CCDC171: variants seen among roughly 807,000 people sequenced by gnomAD.
CCDC171 encodes coiled-coil domain containing 171.
CCDC171 carries 177 observed loss-of-function variants against 168.2 expected under a neutral mutation model. That is an observed-to-expected ratio of 1.05 (90% CI 0.93 to 1.19). The LOEUF (loss-of-function observed/expected upper bound fraction) is 1.19. CCDC171 is among the 50% of genes most tolerant of loss of function. The pLI is 0.00. For missense variants in CCDC171, 1,991 were observed against 1,539.0 expected (o/e 1.29, Z -4.91); for synonymous variants, 687 against 540.8 (o/e 1.27, Z -3.75).
chr9:15,578,886 C>T lies in CCDC171; in HGVS notation c.215C>T (p.Ser72Phe). 1.2e-6 allele frequency: 2 copies of T among 1,613,686 alleles called. No individual in the cohort carries two copies. Among genetic ancestry groups the T allele is most frequent in the Non-Finnish European group, 1.7e-6 (2 of 1,179,814 alleles). ...GAGAGCCAGATTGCCAAGCTACGGTCCGAGGTTGAAAAGGGAGAAGCATTG... is the reference window on the plus strand; with the variant it reads ...GAGAGCCAGATTGCCAAGCTACGGTTCGAGGTTGAAAAGGGAGAAGCATTG... ...SYESQIAKLR[S>F]EVEKGEALRQ... The change falls in exon 4 of 26, where the codon TCC becomes TTC. Residue 72 changes from serine (S) to phenylalanine (F), a missense_variant. Transcript: ENST00000380701.
chr9:15,989,599 GA>G (rs1189937092), intron 3 of CCDC171, among the ~76,000 whole-genome samples: 1 of 152,154 alleles, frequency 6.6e-6, no homozygotes, highest in Non-Finnish European at 1.5e-5. Flanking sequence ...CGAGTTGAGA[GA>G]AGAAGGTTTC....
chr9:15,731,789 G>A (rs1487015906), intron 16 of CCDC171, among the ~76,000 whole-genome samples: 1 of 152,020 alleles, frequency 6.6e-6, no homozygotes, highest in Non-Finnish European at 1.5e-5. Context: ...AAAAATGCTT[G>A]TGTCATTTTT....
At chr9:16,040,647 A>G (rs1232098667), upstream of CCDC171, among the ~76,000 whole-genome samples, 1 of 152,224 alleles carries the variant, frequency 6.6e-6, no homozygotes, top group Admixed American at 6.5e-5. Flanking sequence ...GTTAAATCAT[A>G]GAGTGTTTTA....
intron 4 of CCDC171, among the ~76,000 whole-genome samples, chr9:15,590,088 A>G (rs2041871292): frequency 6.6e-6 from 1 of 152,216 alleles, no homozygotes; most frequent in South Asian, 2.1e-4. Flanking sequence ...CTTTCACGAG[A>G]AAAGAAAAAT....
intron 24 of CCDC171, among the ~76,000 whole-genome samples, chr9:15,877,921 A>G (rs1483281237): frequency 6.6e-6 from 1 of 152,180 alleles, no homozygotes; most frequent in Non-Finnish European, 1.5e-5. Context: ...GTAGTAAACA[A>G]TAAATAATAA....
At chr9:16,074,729 G>T in the CCDC171 span, among the ~76,000 whole-genome samples, 1 of 152,142 alleles carries the variant, frequency 6.6e-6, no homozygotes, top group Admixed American at 6.5e-5. Flanking sequence ...AAATGTTAGA[G>T]TTTGAAAGTA....
At chr9:15,606,699 G>T (rs977312457) in intron 6 of CCDC171, among the ~76,000 whole-genome samples, 1 of 152,124 alleles carries the variant, frequency 6.6e-6, no homozygotes, top group Non-Finnish European at 1.5e-5. Flanking sequence ...TATATATAAA[G>T]AATTATACTT....
intron 24 of CCDC171, among the ~76,000 whole-genome samples, chr9:15,893,540 G>C (rs60084588): frequency 0.029 from 4,437 of 152,140 alleles, 247 homozygotes; most frequent in African/African-American, 0.1. Flanking sequence ...ATCTGACAAA[G>C]GTCTAATATC....
At chr9:15,617,655 C>T (rs1307626877) in intron 6 of CCDC171, among the ~76,000 whole-genome samples, 1 of 152,096 alleles carries the variant, frequency 6.6e-6, no homozygotes, top group Non-Finnish European at 1.5e-5. Flanking sequence ...GGATTACAGG[C>T]GTGAGCCACC....
At chr9:15,734,025 T>C (rs2054321962) in intron 16 of CCDC171, among the ~76,000 whole-genome samples, 1 of 152,162 alleles carries the variant, frequency 6.6e-6, no homozygotes. Flanking sequence ...TCCTCTTTCC[T>C]TGGTCTCCCT....
At chr9:16,066,299 G>T (rs10119089), downstream of CCDC171, among the ~76,000 whole-genome samples, 21,977 of 152,106 alleles carry the variant, frequency 0.14, 1,658 homozygotes, top group South Asian at 0.17. Flanking sequence ...AAACAGAACT[G>T]GGAGATGCTC....
At chr9:15,667,210 C>T (rs888267871) in intron 9 of CCDC171, among the ~76,000 whole-genome samples, 1 of 152,080 alleles carries the variant, frequency 6.6e-6, no homozygotes, top group Non-Finnish European at 1.5e-5. Flanking sequence ...TTTCCCCCCC[C>T]AGAGGGTGAA....
chr9:15,657,262 G>C (rs1197824670), intron 8 of CCDC171, 43 bp downstream of exon 8: 3 of 1,236,500 alleles, frequency 2.4e-6, no homozygotes, highest in South Asian at 1.3e-5. Flanking sequence ...TTCTTAATTT[G>C]TGTTATAACA....
At chr9:15,725,149 T>G (rs2053718000) in intron 14 of CCDC171, among the ~76,000 whole-genome samples, 173 bp downstream of exon 14, 1 of 152,232 alleles carries the variant, frequency 6.6e-6, no homozygotes, top group Non-Finnish European at 1.5e-5. Flanking sequence ...CATTCTCTTT[T>G]GTGAGAGAAG....
intron 3 of CCDC171, among the ~76,000 whole-genome samples, chr9:15,574,651 C>G (rs1181206817): frequency 2.0e-5 from 3 of 152,156 alleles, no homozygotes; most frequent in Admixed American, 6.5e-5. Context: ...CATATAATCT[C>G]CAACTGTACG....
chr9:15,798,930 T>C (rs1025354538), intron 21 of CCDC171, among the ~76,000 whole-genome samples: 2 of 151,736 alleles, frequency 1.3e-5, no homozygotes, highest in Non-Finnish European at 2.9e-5. Flanking sequence ...TAAAATAATA[T>C]TATTTGACTT....
intron 18 of CCDC171, among the ~76,000 whole-genome samples, chr9:15,755,249 T>C (rs1242406826): frequency 6.6e-6 from 1 of 152,142 alleles, no homozygotes. Flanking sequence ...GCTACTCTAC[T>C]TTCAGGCATT....
chr9:15,935,252 A>G lies in CCDC171; in HGVS notation c.3753+14830A>G, dbSNP rs1826979648. Among the ~76,000 whole-genome samples, 4 of 152,138 alleles carry G rather than the reference A, an allele frequency of 2.6e-5. No homozygotes were observed. The South Asian group carries it at 8.3e-4, about 32-fold the overall frequency. On this transcript the variant is annotated intron_variant, in intron 25 of 25. Transcript: ENST00000380701. The stretch of plus-strand genomic sequence containing the variant: ...AGATTGTTGCTTACACAGGATGGCA[A>G]TATGTTGTAGTGGAAAGAGCATGAC...
intron 24 of CCDC171, among the ~76,000 whole-genome samples, chr9:15,877,045 G>C (rs1817935323): frequency 1.3e-5 from 2 of 152,146 alleles, no homozygotes; most frequent in African/African-American, 2.4e-5. Context: ...CATTATTACT[G>C]AGTGAAGAGG....
Sources: gnomAD v4.1 joint callset for allele counts (sites outside exome capture counted in the v4.1 genomes callset) on GRCh38, gnomAD v4.1.1 for gene constraint, MANE v1.5 for transcripts, NCBI Gene and HGNC (gene_info 2026-07-23, HGNC 2026-07-21) for gene names.